CDC14A: variants seen among roughly 807,000 people sequenced by gnomAD.
CDC14A encodes cell division cycle 14A.
Under a neutral mutation model 74.4 loss-of-function variants are expected in CDC14A, and 53 were observed. That is an observed-to-expected ratio of 0.71 (90% CI 0.57 to 0.89). The LOEUF (loss-of-function observed/expected upper bound fraction) is 0.89, where lower values mean the gene tolerates loss of function less well. CDC14A is among the 40% of genes least tolerant of loss of function. CDC14A has a pLI of 0.00. For synonymous variants in CDC14A, 247 were observed against 258.4 expected, an observed-to-expected ratio of 0.96 and a Z score of 0.43; for missense variants, 646 against 713.7, an observed-to-expected ratio of 0.91 and a Z score of 1.08.
At chr1:100,384,307 A>G (rs932307097) in intron 3 of CDC14A, among the ~76,000 whole-genome samples, 6 of 152,242 alleles carry the variant, frequency 3.9e-5, no homozygotes, top group African/African-American at 1.4e-4. Flanking sequence ...GGTAAGCAAT[A>G]CAGAAATTTC....
chr1:100,429,328 G>A (rs1017352342), intron 5 of CDC14A, among the ~76,000 whole-genome samples: 1 of 151,940 alleles, frequency 6.6e-6, no homozygotes, highest in African/African-American at 2.4e-5. Context: ...CATATCCAGA[G>A]AGCATGGCAT....
rs1338887500 is a variant in CDC14A at position 100,462,859 on chromosome 1, G to C, written c.816G>C (p.Gly272=). 1 of 1,613,836 alleles carries C rather than the reference G, an allele frequency of 6.2e-7. No individual in the cohort carries two copies. The highest frequency in any genetic ancestry group is 1.7e-5 in the Admixed American group (1 of 60,008). ...TGAACATCTGTGAGAACACCGAAGG[G>C]GCCATCGCCGTTCACTGCAAAGGTG... ...RFLNICENTE[G]AIAVHCKAGL... The change falls in exon 9 of 16, where the codon GGG becomes GGC. Residue 272 remains glycine, a synonymous_variant. Transcript: ENST00000336454.
intron 10 of CDC14A, among the ~76,000 whole-genome samples, chr1:100,477,860 T>C (rs1023984444): frequency 2.0e-5 from 3 of 152,230 alleles, no homozygotes; most frequent in African/African-American, 7.2e-5. Context: ...TCTCTGACTT[T>C]AGAAAGGCTG....
In CDC14A at chr1:100,410,878, A is replaced by G. The variant is rs1660602094; in HGVS notation, c.310-13344A>G. 2.0e-5 allele frequency among the ~76,000 whole-genome samples: 3 copies of G among 152,210 alleles called. No homozygotes were observed. The South Asian group carries it at 6.2e-4, about 31-fold the overall frequency. ...CTCTCCTGCTCCTTTTTATTAAGGA[A>G]CATTGGTTGATCTAGACCTCAGGTT... On this transcript the variant is annotated intron_variant, in intron 4 of 15. Coordinates refer to ENST00000336454, the MANE Select transcript of CDC14A (RefSeq NM_003672.4).
chr1:100,405,711 G>T (rs1659853834), intron 4 of CDC14A, among the ~76,000 whole-genome samples: 1 of 152,128 alleles, frequency 6.6e-6, no homozygotes, highest in Non-Finnish European at 1.5e-5. Flanking sequence ...ACATGATCTT[G>T]TTTCTTTTTA....
At chr1:100,471,443 A>G (rs1202335992) in intron 10 of CDC14A, among the ~76,000 whole-genome samples, 1 of 152,194 alleles carries the variant, frequency 6.6e-6, no homozygotes, top group Non-Finnish European at 1.5e-5. Context: ...GTATCTGGTA[A>G]CTTCAGGTTA....
intron 4 of CDC14A, among the ~76,000 whole-genome samples, chr1:100,392,847 C>A (rs1657905641): frequency 6.6e-6 from 1 of 152,054 alleles, no homozygotes; most frequent in African/African-American, 2.4e-5. Flanking sequence ...AAAAATATCA[C>A]CAAGCTAGAC....
chr1:100,500,915 C>G (rs1648647914), intron 15 of CDC14A, among the ~76,000 whole-genome samples: 1 of 150,132 alleles, frequency 6.7e-6, no homozygotes, highest in Non-Finnish European at 1.5e-5. Context: ...TCTTTTAAAA[C>G]TTTTACCCTC....
intron 7 of CDC14A, among the ~76,000 whole-genome samples, chr1:100,444,923 G>GA (rs1036968139): frequency 4.0e-5 from 6 of 151,896 alleles, no homozygotes; most frequent in African/African-American, 1.5e-4. Context: ...TGCAATTTAT[G>GA]AAAAAAACCC....
chr1:100,457,302 A>ATTT (rs1319366037), intron 8 of CDC14A, among the ~76,000 whole-genome samples: 1 of 152,230 alleles, frequency 6.6e-6, no homozygotes, highest in African/African-American at 2.4e-5. Flanking sequence ...GTGGCATCAT[A>ATTT]ACATAGTTAA....
chr1:100,421,347 TAG>T (rs1448403550), intron 4 of CDC14A, among the ~76,000 whole-genome samples: 1 of 152,230 alleles, frequency 6.6e-6, no homozygotes, highest in Non-Finnish European at 1.5e-5. Flanking sequence ...TTAGAAATAT[TAG>T]AATATCTGGC....
intron 15 of CDC14A, among the ~76,000 whole-genome samples, chr1:100,503,083 A>G (rs1471115546): frequency 6.6e-6 from 1 of 152,200 alleles, no homozygotes. Context: ...GTGAGAGGGA[A>G]AGCTCCAAGT....
intron 4 of CDC14A, among the ~76,000 whole-genome samples, chr1:100,400,961 C>T (rs908826827): frequency 1.3e-5 from 2 of 152,072 alleles, no homozygotes; most frequent in Non-Finnish European, 2.9e-5. Context: ...CACAGCTGCA[C>T]ACACAGGCAT....
chr1:100,480,602 C>A (rs1669350888), intron 10 of CDC14A, among the ~76,000 whole-genome samples: 1 of 152,182 alleles, frequency 6.6e-6, no homozygotes, highest in Non-Finnish European at 1.5e-5. Flanking sequence ...TGCCATTTTT[C>A]ATTCCCACCA....
At chr1:100,512,954 T>C (rs1408368797) in intron 15 of CDC14A, among the ~76,000 whole-genome samples, 5 of 152,208 alleles carry the variant, frequency 3.3e-5, no homozygotes, top group Non-Finnish European at 7.4e-5. Context: ...TTGGGTACAA[T>C]ATACACTACT....
chr1:100,511,153 C>G (rs760243379), intron 15 of CDC14A, among the ~76,000 whole-genome samples: 1 of 152,208 alleles, frequency 6.6e-6, no homozygotes, highest in Non-Finnish European at 1.5e-5. Context: ...GTATCTTCAG[C>G]CTCTTACCCT....
intron 11 of CDC14A, among the ~76,000 whole-genome samples, chr1:100,493,012 A>G (rs1040678694): frequency 6.6e-6 from 1 of 152,180 alleles, no homozygotes; most frequent in African/African-American, 2.4e-5. Context: ...CCTGAAGAGC[A>G]TATCCTGTAA....
intron 15 of CDC14A, among the ~76,000 whole-genome samples, chr1:100,516,518 AAGTT>A (rs1427708272): frequency 1.3e-5 from 2 of 152,154 alleles, no homozygotes; most frequent in Non-Finnish European, 2.9e-5. Flanking sequence ...ACAAAAGTAA[AAGTT>A]AAATATTCTC....
chr1:100,398,850 A>G (rs1658892673), intron 4 of CDC14A, among the ~76,000 whole-genome samples: 1 of 152,062 alleles, frequency 6.6e-6, no homozygotes, highest in Non-Finnish European at 1.5e-5. Context: ...TCAGACCTGG[A>G]GAGAGGGGAG....
Sources: allele counts gnomAD v4.1 joint callset (sites outside exome capture counted in the v4.1 genomes callset), GRCh38; gene constraint gnomAD v4.1.1; transcripts MANE v1.5; gene names NCBI Gene and HGNC (gene_info 2026-07-23, HGNC 2026-07-21).